Variants in EIF5B observed in about 807,000 individuals in gnomAD.
EIF5B encodes eIF-5B.
A neutral mutation model predicts 147.5 loss-of-function variants in EIF5B; 47 were observed. That is an observed-to-expected ratio of 0.32 (90% CI 0.25 to 0.41). The LOEUF is 0.41. EIF5B is among the 10% of genes least tolerant of loss of function. EIF5B has a pLI of 1.00. For missense variants in EIF5B, 1,064 were observed against 1,413.2 expected (o/e 0.75, Z 3.96); for synonymous variants, 455 against 456.2 (o/e 1.00, Z 0.03).
chr2:99,399,285 GT>G, intron 23 of EIF5B, 21 bp from the exon 24 acceptor site: 1 of 1,611,510 alleles, frequency 6.2e-7, no homozygotes, highest in Admixed American at 1.7e-5. Flanking sequence ...TGTTTACCCT[GT>G]TTGTGCCTCG....
At chr2:99,392,255 A>G (rs867970620) in intron 17 of EIF5B, among the ~76,000 whole-genome samples, 13 of 151,880 alleles carry the variant, frequency 8.6e-5, no homozygotes, top group Non-Finnish European at 1.2e-4. Context: ...TTGTATTTTT[A>G]GTAGAGGTGG....
rs911909613 is a variant in EIF5B, at chr2:99,337,806, C to T, written c.35+217C>T. On this transcript the variant is annotated intron_variant, in intron 1 of 23. Transcript: ENST00000289371. ...CGGGTCCTCCCAGTCGAGCCTCGCT[C>T]CCCCGGCACCCCTTCCCCGGCCTGA... 7.3e-5 allele frequency among the ~76,000 whole-genome samples: 9 copies of T among 123,496 alleles called. No homozygotes were observed. In the East Asian group the frequency reaches 2.4e-3, roughly 33 times the overall value. The allele number at this position is 123,496 out of a possible 152,430, so 81.0% of individuals were successfully genotyped here.
chr2:99,353,259 A>T (rs1338513655), intron 1 of EIF5B, among the ~76,000 whole-genome samples: 1 of 151,850 alleles, frequency 6.6e-6, no homozygotes, highest in Non-Finnish European at 1.5e-5. Context: ...GTGATCCGCC[A>T]GCCTCGGCCT....
At chr2:99,375,770 A>G (rs1252585132) in intron 9 of EIF5B, among the ~76,000 whole-genome samples, 1 of 152,236 alleles carries the variant, frequency 6.6e-6, no homozygotes, top group East Asian at 1.9e-4. Context: ...TGATGTATGA[A>G]AACACCATGT....
At chr2:99,372,876 A>G (rs1336301068) in intron 9 of EIF5B, among the ~76,000 whole-genome samples, 1 of 152,056 alleles carries the variant, frequency 6.6e-6, no homozygotes, top group Admixed American at 6.5e-5. Flanking sequence ...CAAGTCTTTC[A>G]TAGCGTTCTG....
chr2:99,377,780 G>T (rs553553397), intron 10 of EIF5B, among the ~76,000 whole-genome samples: 1 of 152,048 alleles, frequency 6.6e-6, no homozygotes, highest in African/African-American at 2.4e-5. Flanking sequence ...GGAATTTTGG[G>T]GAAATGTTCA....
chr2:99,389,118 G>A (rs1199841173), intron 14 of EIF5B, among the ~76,000 whole-genome samples: 3 of 152,036 alleles, frequency 2.0e-5, no homozygotes, highest in East Asian at 3.9e-4. Flanking sequence ...ATTCAGATTC[G>A]TCTGATTCTT....
intron 14 of EIF5B, among the ~76,000 whole-genome samples, chr2:99,386,153 G>C (rs925394049): frequency 6.6e-6 from 1 of 152,106 alleles, no homozygotes; most frequent in South Asian, 2.1e-4. Flanking sequence ...ATATCTTTGC[G>C]AATACTCGCC....
chr2:99,365,385 A>G (rs534708693), intron 6 of EIF5B, among the ~76,000 whole-genome samples: 8 of 152,320 alleles, frequency 5.3e-5, no homozygotes, highest in Admixed American at 5.2e-4. Flanking sequence ...TCTTACGCAT[A>G]TGTTCAGCTA....
intron 12 of EIF5B, among the ~76,000 whole-genome samples, chr2:99,380,745 A>G (rs1258144134): frequency 6.6e-6 from 1 of 152,178 alleles, no homozygotes; most frequent in Non-Finnish European, 1.5e-5. Context: ...AAAAGAGTCT[A>G]TGAGTTTGTC....
Position 99,337,467 on chromosome 2 carries a change from C to G in EIF5B, c.-88C>G. ...CGGCGGCAGCACGAGGGGAAAAGAG[C>G]TGAGCGGAGACCAAAGTCAGCCGGG... On this transcript the variant is annotated 5_prime_UTR_variant, in exon 1 of 24. Transcript: ENST00000289371. 1.3e-6 allele frequency: 2 copies of G among 1,533,656 alleles called. No individual in the cohort carries two copies. Among genetic ancestry groups the G allele is most frequent in the East Asian group, 2.4e-5 (1 of 41,330 alleles).
intron 1 of EIF5B, among the ~76,000 whole-genome samples, chr2:99,350,670 T>G (rs916592646): frequency 2.0e-5 from 3 of 152,216 alleles, no homozygotes; most frequent in Non-Finnish European, 2.9e-5. Context: ...CCTTGTTAGA[T>G]ATATAGTTTG....
chr2:99,394,601 T>C lies in EIF5B; in HGVS notation c.3089+16T>C, dbSNP rs1196363923. ...ATGACCCTCAGTAAGTAATTTCTCT[T>C]GCTATGAAGGCTTTCATGTTACGTA... On this transcript the variant is annotated intron_variant, in intron 20 of 23. Transcript: ENST00000289371. 1.9e-6 allele frequency: 3 copies of C among 1,614,032 alleles called. No individual in the cohort carries two copies. The highest frequency in any genetic ancestry group is 3.3e-5 in the Admixed American group (2 of 59,998).
chr2:99,343,927 T>G (rs1428109947), intron 1 of EIF5B, among the ~76,000 whole-genome samples: 1 of 149,268 alleles, frequency 6.7e-6, no homozygotes, highest in Non-Finnish European at 1.5e-5. Flanking sequence ...TCTGCATTCT[T>G]TTTTTTTTTG....
At chr2:99,364,778 A>G (rs1025392693) in intron 6 of EIF5B, among the ~76,000 whole-genome samples, 3 of 152,196 alleles carry the variant, frequency 2.0e-5, no homozygotes, top group Non-Finnish European at 4.4e-5. Flanking sequence ...TTATCCTAGC[A>G]TGTTTTAAAG....
chr2:99,395,193 A>G (rs1397540844), intron 21 of EIF5B, among the ~76,000 whole-genome samples: 1 of 152,240 alleles, frequency 6.6e-6, no homozygotes, highest in African/African-American at 2.4e-5. Context: ...GGAAGTAACA[A>G]AACTTGAGTG....
chr2:99,375,896 T>G (rs952894987), intron 9 of EIF5B, among the ~76,000 whole-genome samples: 2 of 152,176 alleles, frequency 1.3e-5, no homozygotes, highest in Admixed American at 1.3e-4. Flanking sequence ...CATTGGAGCA[T>G]TTCGTATTTC....
At chr2:99,382,328 T>G in intron 13 of EIF5B, 102 bp downstream of exon 13, 20 of 875,918 alleles carry the variant, frequency 2.3e-5, no homozygotes, top group Non-Finnish European at 3.5e-5. Flanking sequence ...ATTTGATCTC[T>G]ATAACTACCA....
intron 6 of EIF5B, among the ~76,000 whole-genome samples, chr2:99,367,895 T>C (rs1387038875): frequency 6.6e-6 from 1 of 152,196 alleles, no homozygotes; most frequent in East Asian, 1.9e-4. Context: ...CCAAGAGAAA[T>C]GTTCACACAG....
Sources: gnomAD v4.1 joint callset for allele counts (sites outside exome capture counted in the v4.1 genomes callset) on GRCh38, gnomAD v4.1.1 for gene constraint, MANE v1.5 for transcripts, NCBI Gene and HGNC (gene_info 2026-07-23, HGNC 2026-07-21) for gene names.